The following SCN4A variants were observed in gnomAD, a reference collection of about 807,000 sequenced individuals.
SCN4A encodes the protein sodium voltage-gated channel alpha subunit 4.
Under a neutral mutation model 162.0 loss-of-function variants are expected in SCN4A, and 83 were observed. The ratio of observed to expected loss-of-function variants is 0.51; its 90% CI spans 0.43 to 0.61. SCN4A has a LOEUF of 0.61. Ranked by LOEUF, SCN4A falls within the 20% of genes least tolerant of loss-of-function variation. SCN4A has a pLI of 0.00. For missense variants in SCN4A, 2,196 were observed against 2,462.5 expected, an observed-to-expected ratio of 0.89 and a Z score of 2.29; for synonymous variants, 944 against 985.1, an observed-to-expected ratio of 0.96 and a Z score of 0.78.
chr17:63,940,653 T>G lies in SCN4A; in HGVS notation c.*118A>C. The G allele has an allele frequency of 7.8e-7, 1 of 1,280,718 alleles. No homozygotes were observed. The highest frequency in any genetic ancestry group is 1.1e-6 in the Non-Finnish European group (1 of 947,000). 79.3% of individuals were successfully genotyped at this position (1,280,718 alleles called of 1,614,324 possible). On this transcript the variant is annotated 3_prime_UTR_variant, in exon 24 of 24. Coordinates refer to ENST00000435607, the MANE Select transcript of SCN4A (RefSeq NM_000334.4). ...CAGTGTGGCCAAATCCTGTCCCCCA[T>G]CAGGGAGCCAGGCACAGTCCCAGAT...
Position 63,950,452 on chromosome 17 carries a change from G to A in SCN4A, c.2854-924C>T, listed in dbSNP as rs992472776. Among the ~76,000 whole-genome samples the A allele has an allele frequency of 6.6e-6, 1 of 152,076 alleles. No homozygotes were observed. Among genetic ancestry groups the A allele is most frequent in the African/African-American group, 2.4e-5 (1 of 41,418 alleles). ...GTCCCCAGGCCCCGGCCCCGGCCCC[G>A]GGGAGCCTGGGACTTTGGTGCTCTC... On this transcript the variant is annotated intron_variant, in intron 14 of 23. Transcript: ENST00000435607. This position sits in a 1 kb window ranked among gnomAD's most constrained non-coding sequence, Gnocchi z 4.6.
intron 10 of SCN4A, 39 bp from the exon 11 acceptor site, chr17:63,961,470 TCC>T (rs777997797): frequency 1.4e-6 from 2 of 1,427,592 alleles, no homozygotes; most frequent in East Asian, 4.6e-5. Context: ...GTGAGGATTA[TCC>T]CCTCACGTGC....
Position 63,947,066 on chromosome 17 carries a change from C to G in SCN4A, c.3420G>C (p.Leu1140=), listed in dbSNP as rs1908748906. ...TLRALRPLRA[L]SRFEGMRVVV... is the part of the protein sequence containing the mutation. Reference sequence around the variant, plus strand: ...CCACCCTCATGCCCTCGAATCGGGACAGTGCCCTCAGGGGACGCAGGGCCC... The same window carrying G: ...CCACCCTCATGCCCTCGAATCGGGAGAGTGCCCTCAGGGGACGCAGGGCCC... Residue 1140 remains leucine, a synonymous_variant, in exon 18 of 24, where the codon CTG becomes CTC. Transcript: ENST00000435607. The G allele has an allele frequency of 6.2e-7, 1 of 1,612,974 alleles. No homozygotes were observed. Among genetic ancestry groups the G allele is most frequent in the African/African-American group, 1.3e-5 (1 of 74,878 alleles).
intron 11 of SCN4A, 134 bp from the exon 12 acceptor site, chr17:63,959,572 G>A (rs1909180666): frequency 1.3e-6 from 1 of 786,054 alleles, no homozygotes; most frequent in Non-Finnish European, 2.1e-6. Flanking sequence ...GAGAGGAGCA[G>A]GAGTGGCATG....
chr17:63,960,410 T>C (rs1221527747), intron 11 of SCN4A, among the ~76,000 whole-genome samples: 1 of 152,174 alleles, frequency 6.6e-6, no homozygotes, highest in African/African-American at 2.4e-5. Context: ...CAGGGTTTGA[T>C]TCTCGTGCCA....
Position 63,941,697 on chromosome 17 carries a change from G to A in SCN4A, c.4585C>T (p.Leu1529=), listed in dbSNP as rs1417480032. Residue 1529 remains leucine (L), a synonymous_variant, in exon 24 of 24, where the codon CTG becomes TTG. Coordinates refer to ENST00000435607, the MANE Select transcript of SCN4A (RefSeq NM_000334.4). This position sits in a 1 kb window ranked among gnomAD's most constrained non-coding sequence, Gnocchi z 6.2. The part of the protein sequence containing the change: ...FETFGNSIIC[L]FEITTSAGWD... ...CCGGCCGACGTGGTGATCTCGAACA[G>A]GCAGATGATGCTGTTGCCGAAGGTC... is the stretch of plus-strand genomic sequence containing the variant. 9.3e-6 allele frequency: 15 copies of A among 1,614,036 alleles called. No individual in the cohort carries two copies. The highest frequency in any genetic ancestry group is 1.3e-5 in the Non-Finnish European group (15 of 1,180,048).
At chr17:63,968,951 T>A (rs1160076161) in intron 5 of SCN4A, among the ~76,000 whole-genome samples, 1 of 152,216 alleles carries the variant, frequency 6.6e-6, no homozygotes, top group Non-Finnish European at 1.5e-5. Context: ...GTGATTCTCC[T>A]GCCTCAGCCT....
chr17:63,949,860 G>T (rs1290893628), intron 14 of SCN4A, among the ~76,000 whole-genome samples: 1 of 151,576 alleles, frequency 6.6e-6, no homozygotes. Flanking sequence ...GGCATGGGGG[G>T]CCTGAAGGTA....
At chr17:63,961,913 C>T (rs1205921584) in intron 10 of SCN4A, among the ~76,000 whole-genome samples, 1 of 149,398 alleles carries the variant, frequency 6.7e-6, no homozygotes, top group African/African-American at 2.5e-5. Context: ...AGAGCGCATC[C>T]TCATGTCCGT....
chr17:63,957,633 A>C, intron 12 of SCN4A, 115 bp from the exon 13 acceptor site: 1 of 665,960 alleles, frequency 1.5e-6, no homozygotes, highest in Non-Finnish European at 2.6e-6. Flanking sequence ...CCCCCACACC[A>C]TCTGAGTCCT....
chr17:63,963,672 CT>C lies in SCN4A; in HGVS notation c.1605del (p.Glu536AsnfsTer30). ...SGDSGISDAM[E>X]ELEEAHQKCP... ...GGGCACGGGGGCACAAGGCACTCACCTTCCATGGCGTCGGAGATGCCGCTGT... is the reference window on the plus strand; with the variant it reads ...GGGCACGGGGGCACAAGGCACTCACCTCCATGGCGTCGGAGATGCCGCTGT... On this transcript the variant is annotated frameshift_variant and splice_region_variant, in exon 10 of 24. Transcript: ENST00000435607. LOFTEE classifies it high-confidence loss of function. The C allele has an allele frequency of 6.4e-7, 1 of 1,571,800 alleles. No individual in the cohort carries two copies. The highest frequency in any genetic ancestry group is 1.1e-5 in the South Asian group (1 of 87,344).
rs1908692504 is a variant in SCN4A, at chr17:63,945,637, A to G, written c.3443T>C (p.Val1148Ala). The change falls in exon 19 of 24, where the codon GTG (valine) becomes GCG (alanine). Residue 1148 changes from valine (V) to alanine (A), a missense_variant and splice_region_variant. Val to Ala is a moderately conservative substitution (Grantham distance 64, BLOSUM62 0). Transcript: ENST00000435607. This position sits in a 1 kb window ranked among gnomAD's most constrained non-coding sequence, Gnocchi z 4.4. The stretch of plus-strand genomic sequence containing the variant: ...GGCGCCTAGGAGGGCGTTCACCACC[A>G]CCTGGGGGCCAGGGGGTCCATTGCC... ...RALSRFEGMR[V>A]VVNALLGAIP... 2 of 1,613,614 alleles carry G rather than the reference A, an allele frequency of 1.2e-6. No homozygotes were observed. Among genetic ancestry groups the G allele is most frequent in the African/African-American group, 2.7e-5 (2 of 74,896 alleles).
Position 63,968,196 on chromosome 17 carries a change from T to A in SCN4A, c.863A>T (p.Asn288Ile). Reference protein sequence around the residue: ...QKCVRWPPPFNDTNTTWYSND... With the variant: ...QKCVRWPPPFIDTNTTWYSND... ...GCTGTACCACGTGGTGTTGGTGTCG[T>A]TGAACGGCGGGGGCCAGCGCACACA... is the stretch of plus-strand genomic sequence containing the variant. The change falls in exon 6 of 24, where the codon AAC becomes ATC. Residue 288 changes from asparagine (N) to isoleucine (I), a missense_variant. Transcript: ENST00000435607. The A allele has an allele frequency of 6.2e-7, 1 of 1,614,010 alleles. No homozygotes were observed. The highest frequency in any genetic ancestry group is 1.3e-5 in the African/African-American group (1 of 75,034).
In SCN4A at chr17:63,950,488, G is replaced by A. The variant is rs370834990; in HGVS notation, c.2853+936C>T. ...GACTTTGGTGCTCTCCAGCTCCCCC[G>A]CCACCTGAGTGCCTCATACCGAGGT... On this transcript the variant is annotated intron_variant, in intron 14 of 23. Transcript: ENST00000435607. This position sits in a 1 kb window ranked among gnomAD's most constrained non-coding sequence, Gnocchi z 4.6. Among the ~76,000 whole-genome samples the A allele has an allele frequency of 3.1e-4, 47 of 152,274 alleles. 1 individual carries two copies. The highest frequency in any genetic ancestry group is 3.4e-3 in the Middle Eastern group (1 of 294).
At chr17:63,952,768 C>A (rs1238822595) in intron 13 of SCN4A, among the ~76,000 whole-genome samples, 5 of 152,154 alleles carry the variant, frequency 3.3e-5, no homozygotes, top group African/African-American at 4.8e-5. Context: ...CCCAGCACCC[C>A]CACCCACTTT....
rs552943268 is a variant in SCN4A, at chr17:63,968,385, A to T, written c.704-30T>A. The T allele has an allele frequency of 1.9e-6, 3 of 1,557,632 alleles. No individual in the cohort carries two copies. The East Asian group carries it at 6.8e-5, about 35-fold the overall frequency. ...CCGCAGAGAGGGCAAGGATATTGGC[A>T]GGGGGCAGGGCAGGGTGATAACAGA... On this transcript the variant is annotated intron_variant, in intron 5 of 23. Coordinates refer to ENST00000435607, the MANE Select transcript of SCN4A (RefSeq NM_000334.4).
At chr17:63,953,634 T>C (rs1194331070) in intron 13 of SCN4A, among the ~76,000 whole-genome samples, 3 of 148,856 alleles carry the variant, frequency 2.0e-5, no homozygotes, top group African/African-American at 7.5e-5. Context: ...TGAGCCCAGA[T>C]TGCACCCACT....
At position 63,944,841 on chromosome 17, in the gene SCN4A, G is replaced by A. The variant is rs538268600; in HGVS notation, c.3775-31C>T. ...GGAGCCACAGGGTGGGACGGCGTGGGTTTGCACGCTGGCTTCTCCCTGCCC... is the reference window on the plus strand; with the variant it reads ...GGAGCCACAGGGTGGGACGGCGTGGATTTGCACGCTGGCTTCTCCCTGCCC... On this transcript the variant is annotated intron_variant, in intron 20 of 23. Coordinates refer to ENST00000435607, the MANE Select transcript of SCN4A (RefSeq NM_000334.4). The surrounding 1 kb of genome is among the most constrained non-coding windows in gnomAD (Gnocchi z 4.3). The A allele has an allele frequency of 1.4e-5, 23 of 1,610,586 alleles. No homozygotes were observed. The African/African-American group carries it at 2.7e-4, about 19-fold the overall frequency.
chr17:63,943,171 C>T (rs1478079661), intron 22 of SCN4A, 75 bp from the exon 23 acceptor site: 4 of 1,437,304 alleles, frequency 2.8e-6, no homozygotes, highest in African/African-American at 2.8e-5. Flanking sequence ...AGGCAGGAGG[C>T]ACAGGATGGC....
Sources: allele counts gnomAD v4.1 joint callset (sites outside exome capture counted in the v4.1 genomes callset), GRCh38; gene constraint gnomAD v4.1.1; non-coding constraint Gnocchi (gnomAD v3.1); transcripts MANE v1.5; gene names NCBI Gene and HGNC (gene_info 2026-07-23, HGNC 2026-07-21).